Variants in SEMA6D observed in about 807,000 individuals in gnomAD.
SEMA6D encodes the protein semaphorin-6D.
A neutral mutation model predicts 106.6 loss-of-function variants in SEMA6D; 35 were observed. The observed-to-expected ratio is 0.33, with a 90% confidence interval of 0.25 to 0.44. The LOEUF (loss-of-function observed/expected upper bound fraction) is 0.44. Among genes scored for constraint, SEMA6D ranks in the 20% least tolerant of loss-of-function variants. SEMA6D has a pLI of 1.00. For missense variants in SEMA6D, 1,185 were observed against 1,345.9 expected (o/e 0.88, Z 1.87); for synonymous variants, 499 against 487.7 (o/e 1.02, Z -0.31).
At chr15:47,608,745 CAAA>C (rs2076833062) in intron 4 of SEMA6D, among the ~76,000 whole-genome samples, 1 of 152,032 alleles carries the variant, frequency 6.6e-6, no homozygotes, top group Non-Finnish European at 1.5e-5. Context: ...TCCTTCTGCC[CAAA>C]ATCTGAAGTA....
chr15:47,708,870 T>G (rs999803884), intron 4 of SEMA6D, among the ~76,000 whole-genome samples: 1 of 152,220 alleles, frequency 6.6e-6, no homozygotes, highest in African/African-American at 2.4e-5. Flanking sequence ...ATCTTTATAG[T>G]AAGCAAATTT....
intron 2 of SEMA6D, among the ~76,000 whole-genome samples, chr15:47,468,425 C>A (rs1466155874): frequency 1.3e-5 from 2 of 152,140 alleles, no homozygotes; most frequent in East Asian, 1.9e-4. Flanking sequence ...AAGAATTGTC[C>A]TACTCATGGT....
At chr15:47,453,145 T>A (rs1211734516) in intron 2 of SEMA6D, among the ~76,000 whole-genome samples, 1 of 151,916 alleles carries the variant, frequency 6.6e-6, no homozygotes, top group African/African-American at 2.4e-5. Context: ...GAATCTAAAA[T>A]AGTGTCAATG....
chr15:47,257,346 T>C (rs977027549), intron 1 of SEMA6D, among the ~76,000 whole-genome samples: 5 of 152,308 alleles, frequency 3.3e-5, no homozygotes, highest in East Asian at 3.9e-4. Context: ...CGTGAGCCAC[T>C]GCACCCGACC....
intron 3 of SEMA6D, among the ~76,000 whole-genome samples, chr15:47,518,438 A>G (rs1043577013): frequency 6.6e-6 from 1 of 152,218 alleles, no homozygotes; most frequent in Non-Finnish European, 1.5e-5. Flanking sequence ...ATTGTAAGAA[A>G]TGTGGTATTA....
chr15:47,185,656 C>G (rs1419797138), intron 1 of SEMA6D: 1 of 152,140 alleles, frequency 6.6e-6, no homozygotes, highest in African/African-American at 2.4e-5. Flanking sequence ...GCTCCCCCAC[C>G]CTGGCCGCAT....
chr15:47,292,869 C>G (rs1168305837), intron 1 of SEMA6D, among the ~76,000 whole-genome samples: 1 of 152,182 alleles, frequency 6.6e-6, no homozygotes, highest in Middle Eastern at 3.4e-3. Context: ...ATGGGTATAC[C>G]AGTTCAAATA....
chr15:47,706,916 C>T (rs137889178), intron 4 of SEMA6D, among the ~76,000 whole-genome samples: 10 of 152,326 alleles, frequency 6.6e-5, no homozygotes, highest in African/African-American at 1.9e-4. Flanking sequence ...TAACTAATAC[C>T]GTGATGCTCA....
intron 1 of SEMA6D, among the ~76,000 whole-genome samples, chr15:47,334,857 T>C (rs1230133628): frequency 1.5e-4 from 23 of 152,308 alleles, no homozygotes; most frequent in Admixed American, 1.5e-3. Context: ...CTTAAGGAAT[T>C]GCCTTATTGG....
rs142289426 is a variant in SEMA6D at position 47,580,361 on chromosome 15, A to G, written c.-86-20504A>G. On this transcript the variant is annotated intron_variant, in intron 3 of 19. Coordinates refer to the SEMA6D transcript ENST00000558014. ...CTCTGCAAAGCAATCGATAGTTAAA[A>G]TCATGTTTTTGTAATGAATACAGTT... Among the ~76,000 whole-genome samples, 1,317 of 152,306 alleles carry G rather than the reference A, an allele frequency of 8.6e-3. 8 individuals are homozygous for G. Among genetic ancestry groups the G allele is most frequent in the Admixed American group, 0.021 (314 of 15,310 alleles).
rs1486226595 is a variant in SEMA6D, at chr15:47,348,714, CA to C, written c.-238-63678del. Reference sequence around the variant, plus strand: ...ACACACACACACACACACACACACACACACCACACACACAGAGAGAGAGAGA... The same window carrying C: ...ACACACACACACACACACACACACACCACCACACACACAGAGAGAGAGAGA... On this transcript the variant is annotated intron_variant, in intron 1 of 19. Coordinates refer to the SEMA6D transcript ENST00000558014. 4.2e-3 allele frequency among the ~76,000 whole-genome samples: 393 copies of C among 93,328 alleles called. 5 individuals carry two copies. The highest frequency in any genetic ancestry group is 0.022 in the East Asian group (88 of 4,014). 61.2% of individuals were successfully genotyped at this position (93,328 alleles called of 152,430 possible).
intron 2 of SEMA6D, among the ~76,000 whole-genome samples, chr15:47,442,607 C>A (rs1197552032): frequency 6.6e-6 from 1 of 152,064 alleles, no homozygotes; most frequent in Non-Finnish European, 1.5e-5. Flanking sequence ...GTGCTTCTCA[C>A]AGTTTAAAGT....
chr15:47,454,154 G>T (rs1227641062), intron 2 of SEMA6D, among the ~76,000 whole-genome samples: 1 of 151,912 alleles, frequency 6.6e-6, no homozygotes, highest in Admixed American at 6.6e-5. Context: ...ACAAGGCTCT[G>T]TGCTCATAAG....
At chr15:47,246,477 G>C (rs935456144) in intron 1 of SEMA6D, among the ~76,000 whole-genome samples, 1 of 152,248 alleles carries the variant, frequency 6.6e-6, no homozygotes. Context: ...CATAGCCAAG[G>C]TGTCCAACAG....
chr15:47,249,304 A>G (rs2033376990), intron 1 of SEMA6D, among the ~76,000 whole-genome samples: 1 of 152,206 alleles, frequency 6.6e-6, no homozygotes, highest in Non-Finnish European at 1.5e-5. Flanking sequence ...GTTGGCATGC[A>G]TCATGACAGT....
At chr15:47,540,338 A>G (rs2045315898) in intron 3 of SEMA6D, among the ~76,000 whole-genome samples, 1 of 152,142 alleles carries the variant, frequency 6.6e-6, no homozygotes, top group Non-Finnish European at 1.5e-5. Context: ...CCAGGTTTCT[A>G]TGGTGGGCGA....
At chr15:47,755,197 G>A (rs1479875447) in intron 1 of SEMA6D, among the ~76,000 whole-genome samples, 3 of 151,894 alleles carry the variant, frequency 2.0e-5, no homozygotes, top group Non-Finnish European at 4.4e-5. Flanking sequence ...TGATCCCCCC[G>A]CCTCGGCCTC....
At chr15:47,498,350 T>C (rs2043739555) in intron 3 of SEMA6D, among the ~76,000 whole-genome samples, 1 of 152,062 alleles carries the variant, frequency 6.6e-6, no homozygotes, top group South Asian at 2.1e-4. Context: ...AACCGCAAAA[T>C]AGGGAAATTT....
chr15:47,613,232 A>G (rs754760392), intron 4 of SEMA6D, among the ~76,000 whole-genome samples: 10 of 152,202 alleles, frequency 6.6e-5, no homozygotes, highest in Non-Finnish European at 1.0e-4. Flanking sequence ...TACACCTTCA[A>G]TTGGTGGAAG....
Sources: gnomAD v4.1 joint callset for allele counts (sites outside exome capture counted in the v4.1 genomes callset) on GRCh38, gnomAD v4.1.1 for gene constraint, MANE v1.5 for transcripts, NCBI Gene and HGNC (gene_info 2026-07-23, HGNC 2026-07-21) for gene names.